Variants in ABCA13 observed in about 807,000 individuals in gnomAD.
ABCA13 encodes ATP binding cassette subfamily A member 13.
Under a neutral mutation model 478.7 loss-of-function variants are expected in ABCA13, and 476 were observed. That is an observed-to-expected ratio of 0.99 (90% CI 0.92 to 1.07). The LOEUF is 1.07. ABCA13 is among the 50% of genes least tolerant of loss of function. The probability of loss-of-function intolerance (pLI) is 0.00; values close to 1 mark genes in which losing one functional copy is unlikely to be tolerated. For missense variants in ABCA13, 6,060 were observed against 5,910.6 expected (o/e 1.03, Z -0.83); for synonymous variants, 2,252 against 2,158.9 (o/e 1.04, Z -1.20).
At chr7:48,205,295 T>C (rs1020769832) in intron 3 of ABCA13, among the ~76,000 whole-genome samples, 2 of 151,814 alleles carry the variant, frequency 1.3e-5, no homozygotes, top group African/African-American at 4.8e-5. Context: ...CGTCTATGTA[T>C]GGTGAAGGTA....
intron 42 of ABCA13, among the ~76,000 whole-genome samples, chr7:48,436,261 T>C (rs1262775095): frequency 1.3e-5 from 2 of 151,818 alleles, no homozygotes; most frequent in African/African-American, 2.4e-5. Context: ...CTTAAAAGTT[T>C]GTGTGTTTTA....
In ABCA13 at chr7:48,382,918, C is replaced by T. The variant is rs543056323; in HGVS notation, c.11336-4904C>T. Among the ~76,000 whole-genome samples, 30 of 152,126 alleles carry T rather than the reference C, an allele frequency of 2.0e-4. No individual in the cohort carries two copies. The South Asian group carries it at 5.8e-3, about 30-fold the overall frequency. On this transcript the variant is annotated intron_variant, in intron 35 of 61. Transcript: ENST00000435803. ...CTTCCTGGAACAGGAAGGTATAATC[C>T]GGAGAACAGAAGGGCAAGGGATATG...
In ABCA13 at chr7:48,333,984, C is replaced by A. The variant is rs148999639; in HGVS notation, c.10000-1438C>A. On this transcript the variant is annotated intron_variant, in intron 27 of 61. Coordinates refer to ENST00000435803, the MANE Select transcript of ABCA13 (RefSeq NM_152701.5). Reference sequence around the variant, plus strand: ...ATTACCAGTGTCATCCGAGCTGATCCCCCTGTTGGTGTTGCAGGGGCAGCT... The same window carrying A: ...ATTACCAGTGTCATCCGAGCTGATCACCCTGTTGGTGTTGCAGGGGCAGCT... 1.2e-4 allele frequency among the ~76,000 whole-genome samples: 19 copies of A among 152,278 alleles called. No homozygotes were observed. The East Asian group carries it at 3.5e-3, about 28-fold the overall frequency.
Position 48,352,570 on chromosome 7 carries a change from A to T in ABCA13, c.10688+83A>T, listed in dbSNP as rs949322093. On this transcript the variant is annotated intron_variant, in intron 31 of 61. Coordinates refer to ENST00000435803, the MANE Select transcript of ABCA13 (RefSeq NM_152701.5). ...TGAGGAGAGAAAACTCAGTTTTTCT[A>T]TGGTTATTTCAAAAAGCACTGTTAA... is the stretch of plus-strand genomic sequence containing the variant. The T allele has an allele frequency of 4.3e-6, 6 of 1,409,516 alleles. No homozygotes were observed. In the African/African-American group the frequency reaches 8.8e-5, roughly 21 times the overall value. The allele number at this position is 1,409,516 out of a possible 1,614,324, so 87.3% of individuals were successfully genotyped here.
intron 38 of ABCA13, among the ~76,000 whole-genome samples, chr7:48,394,535 G>A (rs1465325639): frequency 2.0e-5 from 3 of 152,062 alleles, no homozygotes; most frequent in South Asian, 4.1e-4. Flanking sequence ...TCTTATTTAC[G>A]ACATTTATCA....
At chr7:48,360,303 C>T (rs6974086) in intron 31 of ABCA13, among the ~76,000 whole-genome samples, 4,386 of 151,206 alleles carry the variant, frequency 0.029, 274 homozygotes, top group African/African-American at 0.1. Context: ...GTTTTCTGTC[C>T]GTGTGATAGT....
chr7:48,439,928 G>A (rs1823353778), intron 42 of ABCA13, among the ~76,000 whole-genome samples: 1 of 152,096 alleles, frequency 6.6e-6, no homozygotes, highest in Admixed American at 6.6e-5. Context: ...ACATGGGTTT[G>A]AGTCATTGGG....
intron 28 of ABCA13, among the ~76,000 whole-genome samples, chr7:48,337,066 G>A (rs1806379912): frequency 6.6e-6 from 1 of 152,210 alleles, no homozygotes; most frequent in South Asian, 2.1e-4. Flanking sequence ...TCAGTCACAT[G>A]TTCAACCAGT....
intron 3 of ABCA13, among the ~76,000 whole-genome samples, chr7:48,208,399 T>C (rs963512129): frequency 3.3e-5 from 5 of 152,126 alleles, no homozygotes; most frequent in Admixed American, 1.3e-4. Flanking sequence ...TTGGGGAGGA[T>C]GGACATTTTA....
Position 48,506,360 on chromosome 7 carries a change from A to G in ABCA13, c.13316A>G (p.Tyr4439Cys), listed in dbSNP as rs747992204. Residue 4439 changes from tyrosine to cysteine, a missense_variant, in exon 49 of 62, where the codon TAT becomes TGT. Around this residue, in one of 3 missense-constraint regions of ABCA13, gnomAD observed 1,627 missense variants for 1,571.0 expected, o/e 1.04. Coordinates refer to ENST00000435803, the MANE Select transcript of ABCA13 (RefSeq NM_152701.5). ...GGAATAACACTCTACAGCCACCCAT[A>G]TGGAGGGGCCTTGCTGAACGAGGAC... is the stretch of plus-strand genomic sequence containing the variant. ...QYGITLYSHP[Y>C]GGALLNEDKI... 12 of 1,613,858 alleles carry G rather than the reference A, an allele frequency of 7.4e-6. 1 individual carries two copies. The South Asian group carries it at 9.9e-5, about 13-fold the overall frequency.
chr7:48,409,180 T>C (rs1208739076), intron 39 of ABCA13, among the ~76,000 whole-genome samples: 1 of 152,220 alleles, frequency 6.6e-6, no homozygotes, highest in Non-Finnish European at 1.5e-5. Flanking sequence ...AATGAGTTTC[T>C]TTCTATTTAA....
chr7:48,335,672 A>T, intron 28 of ABCA13, 137 bp downstream of exon 28: 1 of 524,232 alleles, frequency 1.9e-6, no homozygotes, highest in Non-Finnish European at 3.2e-6. Context: ...TAATTGACAT[A>T]AAACTAGAGA....
chr7:48,425,851 C>A (rs62447282), intron 41 of ABCA13, among the ~76,000 whole-genome samples: 1 of 152,080 alleles, frequency 6.6e-6, no homozygotes, highest in African/African-American at 2.4e-5. Flanking sequence ...ACGCCATTCT[C>A]CTGCCTCAGC....
chr7:48,259,167 G>A (rs562734411), intron 15 of ABCA13, among the ~76,000 whole-genome samples: 1 of 152,078 alleles, frequency 6.6e-6, no homozygotes, highest in East Asian at 1.9e-4. Flanking sequence ...ATTTTTGTTA[G>A]TTTTCTGTCT....
chr7:48,282,493 C>T lies in ABCA13; in HGVS notation c.8836+1041C>T, dbSNP rs894014190. The stretch of plus-strand genomic sequence containing the variant: ...TCGAAGCCCAGAAGAGGAGGGGAGG[C>T]GAGGAGAAATGGGGAAGCCAAGGGT... On this transcript the variant is annotated intron_variant, in intron 19 of 61. Coordinates refer to ENST00000435803, the MANE Select transcript of ABCA13 (RefSeq NM_152701.5). Among the ~76,000 whole-genome samples, 5 of 151,914 alleles carry T rather than the reference C, an allele frequency of 3.3e-5. No individual in the cohort carries two copies. In the South Asian group the frequency reaches 6.3e-4, roughly 19 times the overall value.
chr7:48,454,706 A>G (rs1295106878), intron 42 of ABCA13, among the ~76,000 whole-genome samples: 1 of 152,176 alleles, frequency 6.6e-6, no homozygotes, highest in African/African-American at 2.4e-5. Flanking sequence ...AGTTAAGAAC[A>G]GAGAGGAAAA....
Position 48,448,975 on chromosome 7 carries a change from TG to T in ABCA13, c.12566-6059del, listed in dbSNP as rs370225744. On this transcript the variant is annotated intron_variant, in intron 42 of 61. Coordinates refer to ENST00000435803, the MANE Select transcript of ABCA13 (RefSeq NM_152701.5). Reference sequence around the variant, plus strand: ...CTCCTGTCTCAGCCTCCTGAGTAGCTGGGATTACAGGCACCCACAACCACGC... The same window carrying T: ...CTCCTGTCTCAGCCTCCTGAGTAGCTGGATTACAGGCACCCACAACCACGC... Among the ~76,000 whole-genome samples, 49 of 152,278 alleles carry T rather than the reference TG, an allele frequency of 3.2e-4. No homozygotes were observed. The South Asian group carries it at 9.7e-3, about 30-fold the overall frequency.
At chr7:48,594,653 G>C (rs1164996826) in intron 57 of ABCA13, 57 bp from the exon 58 acceptor site, 1 of 1,507,108 alleles carries the variant, frequency 6.6e-7, no homozygotes, top group African/African-American at 1.4e-5. Context: ...ATGTCATTGT[G>C]TATATTTCTA....
At chr7:48,552,277 C>T (rs971166757) in intron 55 of ABCA13, among the ~76,000 whole-genome samples, 2 of 151,820 alleles carry the variant, frequency 1.3e-5, no homozygotes, top group African/African-American at 4.8e-5. Context: ...TCTGGAAATA[C>T]CAGTGTCTTT....
Sources: gnomAD v4.1 joint callset for allele counts (sites outside exome capture counted in the v4.1 genomes callset) on GRCh38, gnomAD v4.1.1 for gene constraint, gnomAD v4.1.1 regional missense constraint, MANE v1.5 for transcripts, NCBI Gene and HGNC (gene_info 2026-07-23, HGNC 2026-07-21) for gene names.